The following KLHL10 variants were observed in gnomAD, a reference collection of about 807,000 sequenced individuals.
KLHL10 encodes kelch like family member 10, also known as kelch-like protein 10.
In KLHL10, 11 loss-of-function variants were observed where a neutral mutation model predicts 46.6. That is an observed-to-expected ratio of 0.24 (90% CI 0.15 to 0.39). KLHL10 has a LOEUF of 0.39. KLHL10 is among the 10% of genes least tolerant of loss of function. The pLI is 1.00. For missense variants in KLHL10, 475 were observed against 789.8 expected (o/e 0.60, Z 4.78); for synonymous variants, 254 against 279.1 (o/e 0.91, Z 0.90).
At chr17:41,836,138 G>A (rs1462323786), upstream of KLHL10, 4 of 1,320,548 alleles carry the variant, frequency 3.0e-6, no homozygotes, top group Non-Finnish European at 3.9e-6. Flanking sequence ...CCCGGGGGTC[G>A]GAGTCCGGGC....
At position 41,847,098 on chromosome 17, in the gene KLHL10, ACT is replaced by A. The variant is rs2048296776; in HGVS notation, c.1303-160_1303-159del. ...ACTCCAGCCTGGGTGACAGAGCGAGACTCTGTCTCTAAAAAATAAATAAAAAG... is the reference window on the plus strand; with the variant it reads ...ACTCCAGCCTGGGTGACAGAGCGAGACTGTCTCTAAAAAATAAATAAAAAG... On this transcript the variant is annotated intron_variant, in intron 3 of 4. Transcript: ENST00000293303. Among the ~76,000 whole-genome samples the A allele has an allele frequency of 2.0e-5, 3 of 152,238 alleles. No homozygotes were observed. In the South Asian group the frequency reaches 6.2e-4, roughly 32 times the overall value.
upstream of KLHL10, chr17:41,837,785 A>G: frequency 2.7e-6 from 4 of 1,484,274 alleles, no homozygotes; most frequent in East Asian, 7.2e-5. Flanking sequence ...ATCTCACTGC[A>G]GGGCCAGGAT....
chr17:41,847,296 C>T lies in KLHL10; in HGVS notation c.1338C>T (p.Cys446=). Residue 446 remains cysteine (C), a synonymous_variant, in exon 4 of 5, where the codon TGC becomes TGT. Transcript: ENST00000293303. ...GTGGTGGGTTTAATGGAAACGAGTG[C>T]CTGTTCACAGCAGAAGTGTATAACA... is the stretch of plus-strand genomic sequence containing the variant. ...YICGGFNGNE[C]LFTAEVYNTE... is the part of the protein sequence containing the mutation. 6.2e-7 allele frequency: 1 copy of T among 1,613,942 alleles called. No individual in the cohort carries two copies. The highest frequency in any genetic ancestry group is 2.2e-5 in the East Asian group (1 of 44,862).
chr17:41,837,896 C>G lies in KLHL10; in HGVS notation c.-37C>G, dbSNP rs1555620318. 1.2e-6 allele frequency: 2 copies of G among 1,611,918 alleles called. No individual in the cohort carries two copies. Among genetic ancestry groups the G allele is most frequent in the Non-Finnish European group, 1.7e-6 (2 of 1,179,784 alleles). The stretch of plus-strand genomic sequence containing the variant: ...GCCCCCCACAACCCTCCCCGACACC[C>G]TAGGAAAGCAGCCTCTCTCCGCTGT... On this transcript the variant is annotated 5_prime_UTR_variant, in exon 1 of 5. Transcript: ENST00000293303.
Position 41,845,274 on chromosome 17 carries a change from A to G in KLHL10, c.833A>G (p.Asp278Gly). Reference sequence around the variant, plus strand: ...AACATGAATGGACCCTCTAATTCTGATTTCACCAACCCACTCACCAGACCA... The same window carrying G: ...AACATGAATGGACCCTCTAATTCTGGTTTCACCAACCCACTCACCAGACCA... ...DLNMNGPSNS[D>G]FTNPLTRPRL... Residue 278 changes from aspartate to glycine, a missense_variant, in exon 3 of 5, where the codon GAT becomes GGT. Coordinates refer to ENST00000293303, the MANE Select transcript of KLHL10 (RefSeq NM_152467.5). 6.2e-7 allele frequency: 1 copy of G among 1,614,190 alleles called. No individual in the cohort carries two copies. The highest frequency in any genetic ancestry group is 8.5e-7 in the Non-Finnish European group (1 of 1,180,046).
At chr17:41,840,854 CCG>C (rs1555620643) in intron 1 of KLHL10, among the ~76,000 whole-genome samples, 1 of 151,928 alleles carries the variant, frequency 6.6e-6, no homozygotes, top group Non-Finnish European at 1.5e-5. Context: ...GGTGGCTCAC[CCG>C]TGTAATCCCA....
intron 2 of KLHL10, 116 bp downstream of exon 2, chr17:41,842,428 A>G: frequency 7.8e-7 from 1 of 1,284,646 alleles, no homozygotes; most frequent in Non-Finnish European, 1.1e-6. Flanking sequence ...GGCATCTACT[A>G]TTCTCTGGAA....
intron 2 of KLHL10, among the ~76,000 whole-genome samples, chr17:41,842,929 T>C (rs2048241396): frequency 6.9e-6 from 1 of 144,000 alleles, no homozygotes; most frequent in Admixed American, 7.0e-5. Flanking sequence ...AGAACAAGAC[T>C]CCATCTCAAA....
chr17:41,847,345 A>G lies in KLHL10; in HGVS notation c.1387A>G (p.Ile463Val). Residue 463 changes from isoleucine (I) to valine (V), a missense_variant, in exon 4 of 5, where the codon ATA becomes GTA. Physicochemically the swap from Ile to Val is conservative, Grantham distance 29. Transcript: ENST00000293303. Reference protein sequence around the residue: ...YNTESNQWTVIAPMRSRRSGI... With the variant: ...YNTESNQWTVVAPMRSRRSGI... ...CACTGAAAGTAATCAGTGGACAGTC[A>G]TAGCACCCATGAGAAGCAGGAGGAG... is the stretch of plus-strand genomic sequence containing the variant. 1 of 1,614,114 alleles carries G rather than the reference A, an allele frequency of 6.2e-7. No homozygotes were observed. Among genetic ancestry groups the G allele is most frequent in the East Asian group, 2.2e-5 (1 of 44,878 alleles).
chr17:41,847,785 G>T, intron 4 of KLHL10, 148 bp from the exon 5 acceptor site: 2 of 1,052,368 alleles, frequency 1.9e-6, no homozygotes, highest in Non-Finnish European at 2.9e-6. Context: ...GATTACAGGC[G>T]TGAGCCACTG....
intron 3 of KLHL10, 120 bp from the exon 4 acceptor site, chr17:41,847,141 C>CA (rs372363065): frequency 1.7e-4 from 148 of 889,284 alleles, no homozygotes; most frequent in African/African-American, 1.3e-3. Context: ...CATGCACATA[C>CA]AAAAAAAAGA....
chr17:41,843,773 A>G (rs921769269), intron 2 of KLHL10, among the ~76,000 whole-genome samples: 1 of 151,880 alleles, frequency 6.6e-6, no homozygotes, highest in African/African-American at 2.4e-5. Flanking sequence ...TTATTTATTT[A>G]TTTATTTTGA....
rs782774326 is a variant in KLHL10 at position 41,845,848 on chromosome 17, T to C, written c.1302+105T>C. 5.3e-5 allele frequency: 72 copies of C among 1,357,366 alleles called. 3 individuals are homozygous for C. The South Asian group carries it at 8.7e-4, about 16-fold the overall frequency. 84.1% of individuals were successfully genotyped at this position (1,357,366 alleles called of 1,614,324 possible). A position where few individuals can be genotyped will look rare whatever the true frequency, so the allele number is the denominator to read the frequency against. The stretch of plus-strand genomic sequence containing the variant: ...TGGAAGACGCAGTGGCAGTATTCAC[T>C]TTGGAGTACTCATTCTTTCTTCAAT... On this transcript the variant is annotated intron_variant, in intron 3 of 4. Transcript: ENST00000293303.
intron 1 of KLHL10, among the ~76,000 whole-genome samples, chr17:41,838,847 C>T (rs1425532963): frequency 6.6e-6 from 1 of 151,742 alleles, no homozygotes; most frequent in Non-Finnish European, 1.5e-5. Context: ...TGACACCACG[C>T]CCGGCTAATT....
chr17:41,839,115 C>T (rs1555620481), intron 1 of KLHL10, among the ~76,000 whole-genome samples: 1 of 152,110 alleles, frequency 6.6e-6, no homozygotes, highest in Non-Finnish European at 1.5e-5. Context: ...TCTCAGCCTC[C>T]CGAGTAGCTG....
intron 3 of KLHL10, among the ~76,000 whole-genome samples, chr17:41,846,794 AAC>A (rs1390675656): frequency 3.3e-5 from 5 of 152,116 alleles, no homozygotes; most frequent in African/African-American, 1.2e-4. Flanking sequence ...CAGCCCAGGC[AAC>A]AGAGTGAGAC....
At chr17:41,835,902 T>G (rs782745126), upstream of KLHL10, 8 of 1,609,014 alleles carry the variant, frequency 5.0e-6, no homozygotes, top group Non-Finnish European at 5.9e-6. Context: ...GCCCACGATC[T>G]CCTGCACCCG....
Position 41,845,608 on chromosome 17 carries a change from T to C in KLHL10, c.1167T>C (p.Tyr389=). The C allele has an allele frequency of 6.2e-7, 1 of 1,614,110 alleles. No homozygotes were observed. The highest frequency in any genetic ancestry group is 1.3e-5 in the African/African-American group (1 of 75,054). Residue 389 remains tyrosine (Y), a synonymous_variant, in exon 3 of 5, where the codon TAT becomes TAC. Transcript: ENST00000293303. ...VSVTVLGNFI[Y]AMGGFDGYVR... ...TGACAGTCCTCGGCAATTTTATTTA[T>C]GCCATGGGAGGATTTGATGGCTACG...
chr17:41,836,563 C>A (rs1216502391), upstream of KLHL10: 11 of 589,912 alleles, frequency 1.9e-5, no homozygotes, highest in Admixed American at 6.3e-5. Flanking sequence ...TGGCCCATAC[C>A]TGTAATCCCA....
Sources: gnomAD v4.1 joint callset for allele counts (sites outside exome capture counted in the v4.1 genomes callset) on GRCh38, gnomAD v4.1.1 for gene constraint, MANE v1.5 for transcripts, NCBI Gene and HGNC (gene_info 2026-07-23, HGNC 2026-07-21) for gene names.